The following BTRC variants were observed in gnomAD, a reference collection of about 807,000 sequenced individuals.
BTRC encodes the protein beta-transducin repeat containing E3 ubiquitin protein ligase, also known as F-box/WD repeat-containing protein 1A.
BTRC carries 42 observed loss-of-function variants against 85.5 expected under a neutral mutation model. The observed-to-expected ratio is 0.49, with a 90% CI of 0.38 to 0.64. BTRC has a LOEUF of 0.64. BTRC is among the 30% of genes least tolerant of loss of function. The probability of loss-of-function intolerance (pLI) is 0.00; values close to 1 mark genes in which losing one functional copy is unlikely to be tolerated. For synonymous variants in BTRC, 255 were observed against 263.3 expected, an observed-to-expected ratio of 0.97 and a Z score of 0.30; for missense variants, 594 against 743.5, an observed-to-expected ratio of 0.80 and a Z score of 2.34.
chr10:101,453,045 G>A (rs1232943101), intron 2 of BTRC, among the ~76,000 whole-genome samples: 8 of 152,028 alleles, frequency 5.3e-5, no homozygotes, highest in African/African-American at 1.9e-4. Flanking sequence ...AAGAGTTTGA[G>A]TGATTTTGTC....
At chr10:101,383,669 A>G (rs1016492256) in intron 1 of BTRC, among the ~76,000 whole-genome samples, 2 of 152,086 alleles carry the variant, frequency 1.3e-5, no homozygotes, top group African/African-American at 4.8e-5. Context: ...TGACCTTGGG[A>G]TACTTTTCTA....
At chr10:101,548,279 G>A (rs1253196718) in intron 13 of BTRC, among the ~76,000 whole-genome samples, 1 of 152,194 alleles carries the variant, frequency 6.6e-6, no homozygotes, top group Non-Finnish European at 1.5e-5. Context: ...GTACATAAAT[G>A]TTCCTAGCAG....
chr10:101,422,060 A>G (rs566765162), intron 1 of BTRC, among the ~76,000 whole-genome samples: 5 of 152,304 alleles, frequency 3.3e-5, no homozygotes, highest in African/African-American at 9.6e-5. Context: ...GTCTTCCACA[A>G]TGGTTGAACT....
At chr10:101,451,877 G>A (rs945496095) in intron 2 of BTRC, among the ~76,000 whole-genome samples, 1 of 152,142 alleles carries the variant, frequency 6.6e-6, no homozygotes, top group Non-Finnish European at 1.5e-5. Context: ...CTCAGCTGTT[G>A]AGCAGCAGAC....
chr10:101,393,771 C>T (rs947360856), intron 1 of BTRC, among the ~76,000 whole-genome samples: 1 of 152,202 alleles, frequency 6.6e-6, no homozygotes, highest in African/African-American at 2.4e-5. Flanking sequence ...GATCATCTTG[C>T]CTACCTCCTG....
intron 2 of BTRC, among the ~76,000 whole-genome samples, chr10:101,450,105 C>G (rs1235551330): frequency 1.3e-5 from 2 of 149,906 alleles, no homozygotes; most frequent in African/African-American, 4.9e-5. Flanking sequence ...TTTAAATGGA[C>G]TATTACTTCT....
At chr10:101,464,339 A>G (rs1396778276) in intron 3 of BTRC, among the ~76,000 whole-genome samples, 1 of 152,216 alleles carries the variant, frequency 6.6e-6, no homozygotes, top group African/African-American at 2.4e-5. Flanking sequence ...TCCAGCACAT[A>G]CAGATGGACC....
chr10:101,479,383 G>T lies in BTRC; in HGVS notation c.250G>T (p.Ala84Ser), dbSNP rs759156895. The T allele has an allele frequency of 1.2e-6, 2 of 1,612,944 alleles. No homozygotes were observed. The highest frequency in any genetic ancestry group is 2.2e-5 in the South Asian group (2 of 91,034). ...CTCTTTACAGACATACAACAGCTGTGCCAGACTCTGCTTAAACCAAGAAAC... is the reference window on the plus strand; with the variant it reads ...CTCTTTACAGACATACAACAGCTGTTCCAGACTCTGCTTAAACCAAGAAAC... ...NSLRQTYNSC[A>S]RLCLNQETVC... is the part of the protein sequence containing the mutation. Residue 84 changes from alanine to serine, a missense_variant, in exon 4 of 15, where the codon GCC (alanine) becomes TCC (serine). Around this residue, in one of 4 missense-constraint regions of BTRC, gnomAD observed 163 missense variants for 180.5 expected, o/e 0.90. Transcript: ENST00000370187.
chr10:101,493,618 A>T (rs1946189408), intron 4 of BTRC, among the ~76,000 whole-genome samples: 1 of 152,244 alleles, frequency 6.6e-6, no homozygotes, highest in Non-Finnish European at 1.5e-5. Flanking sequence ...ACTAGCCAGG[A>T]TTTGGAAATC....
chr10:101,536,111 C>G (rs746799908), intron 11 of BTRC, among the ~76,000 whole-genome samples: 4 of 152,170 alleles, frequency 2.6e-5, no homozygotes, highest in Admixed American at 6.5e-5. Flanking sequence ...GAAGAGCTGT[C>G]CTGGACAGTG....
intron 4 of BTRC, among the ~76,000 whole-genome samples, chr10:101,520,391 T>C (rs773273369): frequency 1.3e-5 from 2 of 152,132 alleles, no homozygotes; most frequent in African/African-American, 2.4e-5. Context: ...TAAGAGTATA[T>C]GTTAGTGATG....
intron 1 of BTRC, among the ~76,000 whole-genome samples, chr10:101,404,871 G>A (rs1177622108): frequency 1.3e-5 from 2 of 151,972 alleles, no homozygotes; most frequent in Non-Finnish European, 2.9e-5. Context: ...GGTGGCGGGT[G>A]CCTGTAGTCC....
chr10:101,532,540 A>C, intron 8 of BTRC, 108 bp downstream of exon 8: 9 of 1,367,246 alleles, frequency 6.6e-6, no homozygotes, highest in Non-Finnish European at 8.7e-6. Context: ...AAGTAAGTGA[A>C]GATTTTAGAT....
intron 3 of BTRC, among the ~76,000 whole-genome samples, chr10:101,466,864 T>A (rs970185290): frequency 1.3e-5 from 2 of 152,144 alleles, no homozygotes; most frequent in African/African-American, 4.8e-5. Flanking sequence ...CTGAAAAAAT[T>A]CCTGCGTTCT....
intron 3 of BTRC, among the ~76,000 whole-genome samples, chr10:101,473,082 A>T (rs539553917): frequency 5.3e-5 from 8 of 151,830 alleles, no homozygotes; most frequent in Admixed American, 1.3e-4. Context: ...GACTCCAGCC[A>T]CGCATATATT....
At chr10:101,475,253 A>G (rs1945646397) in intron 3 of BTRC, among the ~76,000 whole-genome samples, 1 of 152,256 alleles carries the variant, frequency 6.6e-6, no homozygotes, top group South Asian at 2.1e-4. Flanking sequence ...GTTTAAAAGA[A>G]AAACAGCTGG....
At chr10:101,474,395 A>T (rs1456013806) in intron 3 of BTRC, among the ~76,000 whole-genome samples, 1 of 152,188 alleles carries the variant, frequency 6.6e-6, no homozygotes, top group Admixed American at 6.5e-5. Context: ...CTAAGATGTT[A>T]TTACATCCCT....
chr10:101,438,141 G>C (rs993779078), intron 2 of BTRC, among the ~76,000 whole-genome samples: 1 of 152,092 alleles, frequency 6.6e-6, no homozygotes, highest in Non-Finnish European at 1.5e-5. Context: ...AGAAGGGAAA[G>C]AATAGCAATA....
At chr10:101,357,942 C>T (rs1270946330) in intron 1 of BTRC, among the ~76,000 whole-genome samples, 1 of 152,148 alleles carries the variant, frequency 6.6e-6, no homozygotes, top group African/African-American at 2.4e-5. Context: ...AAGGACCTTT[C>T]TTAATACTTT....
Sources: gnomAD v4.1 joint callset for allele counts (sites outside exome capture counted in the v4.1 genomes callset) on GRCh38, gnomAD v4.1.1 for gene constraint, gnomAD v4.1.1 regional missense constraint, MANE v1.5 for transcripts, NCBI Gene and HGNC (gene_info 2026-07-23, HGNC 2026-07-21) for gene names.